The following PDE1C variants were observed in gnomAD, a reference collection of about 807,000 sequenced individuals.
PDE1C encodes dual specificity calcium/calmodulin-dependent 3',5'-cyclic nucleotide phosphodiesterase 1C.
A neutral mutation model predicts 93.1 loss-of-function variants in PDE1C; 62 were observed. That is an observed-to-expected ratio of 0.67 (90% CI 0.54 to 0.82). The LOEUF is 0.82. Ranked by LOEUF, PDE1C falls within the 40% of genes least tolerant of loss-of-function variation. The pLI, the probability that PDE1C is intolerant of heterozygous loss-of-function variation, is 0.00. For synonymous variants in PDE1C, 325 were observed against 310.1 expected, an observed-to-expected ratio of 1.05 and a Z score of -0.50; for missense variants, 742 against 884.6, an observed-to-expected ratio of 0.84 and a Z score of 2.04.
intron 1 of PDE1C, among the ~76,000 whole-genome samples, chr7:32,346,420 A>G (rs1411795282): frequency 1.3e-5 from 2 of 152,174 alleles, no homozygotes; most frequent in Non-Finnish European, 2.9e-5. Context: ...GCCCCAGCCA[A>G]GCTACAGCAC....
At chr7:31,809,803 A>G (rs961249975) in intron 15 of PDE1C, among the ~76,000 whole-genome samples, 2 of 152,112 alleles carry the variant, frequency 1.3e-5, no homozygotes, top group African/African-American at 4.8e-5. Flanking sequence ...GTTTGGGGTT[A>G]TCTTCTCTCT....
chr7:31,967,512 G>C (rs191020755), intron 2 of PDE1C, among the ~76,000 whole-genome samples: 9 of 152,314 alleles, frequency 5.9e-5, no homozygotes, highest in Admixed American at 2.0e-4. Context: ...TGGATTCACA[G>C]CCAAATTCTA....
chr7:32,423,441 A>G (rs1298808548), intron 1 of PDE1C, among the ~76,000 whole-genome samples: 1 of 152,216 alleles, frequency 6.6e-6, no homozygotes, highest in Non-Finnish European at 1.5e-5. Context: ...GACTTACCAG[A>G]AAGTCGAGAG....
intron 2 of PDE1C, among the ~76,000 whole-genome samples, chr7:32,018,222 A>G (rs1274055812): frequency 2.0e-5 from 3 of 152,110 alleles, no homozygotes; most frequent in African/African-American, 7.2e-5. Context: ...GGAATGTAAT[A>G]TGTATGGTGC....
chr7:31,656,431 G>A, the PDE1C span: 11 of 754,956 alleles, frequency 1.5e-5, no homozygotes, highest in African/African-American at 7.6e-5. Context: ...TGTCCATCAC[G>A]TAGTAAGTGT....
intron 3 of PDE1C, among the ~76,000 whole-genome samples, chr7:32,110,849 C>A (rs1229355822): frequency 1.3e-5 from 2 of 152,120 alleles, no homozygotes; most frequent in African/African-American, 4.8e-5. Flanking sequence ...AAATATCTAC[C>A]AGTAAAATAG....
At chr7:32,239,740 G>C (rs1287339678) in intron 1 of PDE1C, among the ~76,000 whole-genome samples, 1 of 152,218 alleles carries the variant, frequency 6.6e-6, no homozygotes, top group African/African-American at 2.4e-5. Flanking sequence ...GTCACAGAGA[G>C]CTCTGACTAT....
rs372639787 is a variant in PDE1C, at chr7:31,974,790, T to C, written c.128+76764A>G. Among the ~76,000 whole-genome samples, 45 of 152,330 alleles carry C rather than the reference T, an allele frequency of 3.0e-4. 3 individuals are homozygous for C. The highest frequency in any genetic ancestry group is 7.9e-4 in the African/African-American group (33 of 41,580). ...GAAATCAGAGAACTCTGGGGGATGATGGAAATTTTCGAAAACTGCTGTGGT... is the reference window on the plus strand; with the variant it reads ...GAAATCAGAGAACTCTGGGGGATGACGGAAATTTTCGAAAACTGCTGTGGT... On this transcript the variant is annotated intron_variant, in intron 2 of 17. Coordinates refer to ENST00000396191, the MANE Select transcript of PDE1C (RefSeq NM_001191057.4).
At chr7:31,999,783 A>G (rs545178610) in intron 2 of PDE1C, among the ~76,000 whole-genome samples, 1 of 152,308 alleles carries the variant, frequency 6.6e-6, no homozygotes, top group Non-Finnish European at 1.5e-5. Flanking sequence ...TTTGGTAATT[A>G]AGGAACCCTC....
intron 13 of PDE1C, 152 bp from the exon 14 acceptor site, chr7:31,823,400 A>T: frequency 1.7e-6 from 1 of 582,308 alleles, no homozygotes; most frequent in East Asian, 3.1e-5. Flanking sequence ...TATTTTCCAC[A>T]TATGACCGGT....
At chr7:32,077,974 C>T (rs1796446092) in intron 3 of PDE1C, 1 of 985,388 alleles carries the variant, frequency 1.0e-6, no homozygotes, top group Non-Finnish European at 1.2e-6. Context: ...ACAGTGCAGG[C>T]CTCCTGACTT....
At chr7:32,341,657 T>C (rs1374589924) in intron 1 of PDE1C, among the ~76,000 whole-genome samples, 2 of 152,126 alleles carry the variant, frequency 1.3e-5, no homozygotes, top group African/African-American at 4.8e-5. Context: ...ATGCTGAGTC[T>C]GAGTTTCCCA....
intron 2 of PDE1C, among the ~76,000 whole-genome samples, chr7:32,007,289 C>T (rs1444685856): frequency 6.6e-6 from 1 of 152,266 alleles, no homozygotes; most frequent in Non-Finnish European, 1.5e-5. Flanking sequence ...TCAAAAATGT[C>T]GCACTAACTC....
At chr7:31,910,981 A>G (rs1261097304) in intron 2 of PDE1C, among the ~76,000 whole-genome samples, 1 of 152,202 alleles carries the variant, frequency 6.6e-6, no homozygotes, top group Non-Finnish European at 1.5e-5. Flanking sequence ...CGGAATACTC[A>G]TGTTGAAATA....
At chr7:32,043,673 C>G (rs1389049456) in intron 2 of PDE1C, among the ~76,000 whole-genome samples, 1 of 152,142 alleles carries the variant, frequency 6.6e-6, no homozygotes, top group Non-Finnish European at 1.5e-5. Context: ...GATTGAAGCA[C>G]TGATTAAAGC....
intron 2 of PDE1C, among the ~76,000 whole-genome samples, chr7:32,037,531 T>C (rs559708961): frequency 6.6e-6 from 1 of 152,268 alleles, no homozygotes; most frequent in Non-Finnish European, 1.5e-5. Flanking sequence ...CATACCACCT[T>C]TCCACATCTG....
At chr7:31,896,242 G>C (rs1340350058) in intron 2 of PDE1C, among the ~76,000 whole-genome samples, 2 of 152,188 alleles carry the variant, frequency 1.3e-5, no homozygotes, top group Non-Finnish European at 2.9e-5. Flanking sequence ...CTGCTGGAAG[G>C]GTGAAGGGTG....
chr7:32,135,559 AAAC>A (rs762122609), intron 3 of PDE1C, among the ~76,000 whole-genome samples: 13 of 152,356 alleles, frequency 8.5e-5, no homozygotes, highest in East Asian at 1.9e-4. Context: ...ATGAAAATCT[AAAC>A]AACAATTACT....
intron 2 of PDE1C, among the ~76,000 whole-genome samples, chr7:31,926,035 T>C (rs1354660509): frequency 6.6e-6 from 1 of 151,754 alleles, no homozygotes; most frequent in African/African-American, 2.4e-5. Context: ...GACACAGGTA[T>C]ACCTGTGATC....
Sources: allele counts gnomAD v4.1 joint callset (sites outside exome capture counted in the v4.1 genomes callset), GRCh38; gene constraint gnomAD v4.1.1; transcripts MANE v1.5; gene names NCBI Gene and HGNC (gene_info 2026-07-23, HGNC 2026-07-21).